CHRND: variants seen among roughly 807,000 people sequenced by gnomAD.
The protein encoded by CHRND is cholinergic receptor nicotinic delta subunit.
Under a neutral mutation model 57.8 loss-of-function variants are expected in CHRND, and 40 were observed. The observed-to-expected ratio is 0.69, with a 90% CI of 0.54 to 0.90. The LOEUF (loss-of-function observed/expected upper bound fraction) is 0.90. Among genes scored for constraint, CHRND ranks in the 40% least tolerant of loss-of-function variants. CHRND has a pLI of 0.00. For synonymous variants in CHRND, 237 were observed against 270.6 expected (o/e 0.88, Z 1.22); for missense variants, 634 against 673.9 (o/e 0.94, Z 0.66).
At position 232,529,088 on chromosome 2, in the gene CHRND, C is replaced by T. The variant is rs138432684; in HGVS notation, c.619+117C>T. 18,334 of 732,678 alleles carry T rather than the reference C, an allele frequency of 0.025. 330 individuals carry two copies. The highest frequency in any genetic ancestry group is 0.032 in the Non-Finnish European group (12,979 of 409,050). 45.4% of individuals were successfully genotyped at this position (732,678 alleles called of 1,614,324 possible). A position where few individuals can be genotyped will look rare whatever the true frequency, so the allele number is the denominator to read the frequency against. On this transcript the variant is annotated intron_variant, in intron 6 of 11. Coordinates refer to ENST00000258385, the MANE Select transcript of CHRND (RefSeq NM_000751.3). ...CACACACACACTTAGGACACCAATA[C>T]ACAGCTCCTCACACACGCAGCTAGA...
chr2:232,533,435 C>G (rs1173062244), intron 9 of CHRND, among the ~76,000 whole-genome samples: 1 of 152,180 alleles, frequency 6.6e-6, no homozygotes, highest in Non-Finnish European at 1.5e-5. Context: ...CTGCTCCGCA[C>G]CATGGGTGAT....
chr2:232,527,252 G>A (rs1294218981), intron 2 of CHRND, 149 bp from the exon 3 acceptor site: 17 of 794,688 alleles, frequency 2.1e-5, no homozygotes, highest in South Asian at 2.1e-4. Context: ...GTTGCAGTGA[G>A]CCAAGCTCGT....
Position 232,527,430 on chromosome 2 carries a change from T to C in CHRND, c.228T>C (p.Asn76=), listed in dbSNP as rs776622065. The change falls in exon 3 of 12, where the codon AAT becomes AAC. Residue 76 remains asparagine (N), a synonymous_variant. Transcript: ENST00000258385. ...AAGTTGAGGAGACCCTCACTACCAA[T>C]GTGTGGATAGAGCACGTAAGAATGC... is the stretch of plus-strand genomic sequence containing the variant. ...LKEVEETLTT[N]VWIEHGWTDN... is the part of the protein sequence containing the mutation. 5 of 1,613,378 alleles carry C rather than the reference T, an allele frequency of 3.1e-6. No homozygotes were observed. The African/African-American group carries it at 4.0e-5, about 13-fold the overall frequency.
rs530039427 is a variant in CHRND, at chr2:232,535,457, C to G, written c.*145C>G. The G allele has an allele frequency of 1.8e-3, 1,720 of 974,020 alleles. 10 individuals are homozygous for G. Among genetic ancestry groups the G allele is most frequent in the Non-Finnish European group, 2.0e-3 (1,274 of 633,592 alleles). The allele number at this position is 974,020 out of a possible 1,614,324, so 60.3% of individuals were successfully genotyped here. A position where few individuals can be genotyped will look rare whatever the true frequency, so the allele number is the denominator to read the frequency against. On this transcript the variant is annotated 3_prime_UTR_variant, in exon 12 of 12. Coordinates refer to ENST00000258385, the MANE Select transcript of CHRND (RefSeq NM_000751.3). The stretch of plus-strand genomic sequence containing the variant: ...GGGAGGGAGCAGCCACTCCTCAATG[C>G]TCAATGGCTCCCCTGAAATCAAGAC...
rs997482710 is a variant in CHRND at position 232,531,673 on chromosome 2, G to A, written c.1047+17G>A. 1 of 1,596,482 alleles carries A rather than the reference G, an allele frequency of 6.3e-7. No homozygotes were observed. The highest frequency in any genetic ancestry group is 1.3e-5 in the African/African-American group (1 of 74,716). ...GTCAAGAAGGTGAGTACTTGGCCCG[G>A]CGCAAAAGCTCACCACTGTAATCCT... is the stretch of plus-strand genomic sequence containing the variant. On this transcript the variant is annotated intron_variant, in intron 9 of 11. Transcript: ENST00000258385.
intron 7 of CHRND, among the ~76,000 whole-genome samples, chr2:232,530,608 T>C (rs540448914): frequency 6.6e-6 from 1 of 152,096 alleles, no homozygotes; most frequent in South Asian, 2.1e-4. Context: ...GAGCAGGGCA[T>C]AGTGAGTCCC....
In CHRND at chr2:232,528,323, G is replaced by C; in HGVS notation, c.305G>C (p.Arg102Pro). ...AEEFGNISVL[R>P]LPPDMVWLPE... ...GAATTTGGAAACATCAGTGTCCTGC[G>C]CCTCCCCCCGGACATGGTGTGGCTC... The change falls in exon 4 of 12, where the codon CGC becomes CCC. Residue 102 changes from arginine to proline, a missense_variant. Physicochemically the swap from Arg to Pro is moderately radical, Grantham distance 103. Transcript: ENST00000258385. 1.2e-6 allele frequency: 2 copies of C among 1,614,078 alleles called. No homozygotes were observed. Among genetic ancestry groups the C allele is most frequent in the African/African-American group, 1.3e-5 (1 of 74,996 alleles).
At chr2:232,533,431 C>T (rs180740386) in intron 9 of CHRND, among the ~76,000 whole-genome samples, 73 of 152,260 alleles carry the variant, frequency 4.8e-4, no homozygotes, top group African/African-American at 1.6e-3. Context: ...GGTTCTGCTC[C>T]GCACCATGGG....
Position 232,536,281 on chromosome 2 carries a change from G to A in CHRND, c.*969G>A, listed in dbSNP as rs1479082913. 6 of 454,104 alleles carry A rather than the reference G, an allele frequency of 1.3e-5. No individual in the cohort carries two copies. Among genetic ancestry groups the A allele is most frequent in the Admixed American group, 4.7e-5 (2 of 42,572 alleles). 28.1% of individuals were successfully genotyped at this position (454,104 alleles called of 1,614,324 possible). On this transcript the variant is annotated 3_prime_UTR_variant, in exon 12 of 12. Transcript: ENST00000258385. ...TCACTCTGTACCAGGGTGGGTCTGG[G>A]TAACCAATAGAATGAGGCAGAAGTG...
rs989473079 is a variant in CHRND, at chr2:232,535,901, CAA to C, written c.*591_*592del. 2.2e-6 allele frequency: 1 copy of C among 454,122 alleles called. No individual in the cohort carries two copies. The highest frequency in any genetic ancestry group is 4.4e-6 in the Non-Finnish European group (1 of 226,786). 28.1% of individuals were successfully genotyped at this position (454,122 alleles called of 1,614,324 possible). On this transcript the variant is annotated 3_prime_UTR_variant, in exon 12 of 12. Coordinates refer to ENST00000258385, the MANE Select transcript of CHRND (RefSeq NM_000751.3). ...GTGGAAAGGTCAGGATCGACATCCA[CAA>C]AGACTTGGGGTCAGCCTGAGGTTGC...
At chr2:232,528,122 T>C in intron 3 of CHRND, 140 bp from the exon 4 acceptor site, 1 of 755,864 alleles carries the variant, frequency 1.3e-6, no homozygotes, top group Non-Finnish European at 2.3e-6. Context: ...CAGACCTGAA[T>C]CCGCACTCTG....
chr2:232,530,982 C>T (rs561877181), intron 7 of CHRND, among the ~76,000 whole-genome samples: 3 of 152,240 alleles, frequency 2.0e-5, no homozygotes, highest in South Asian at 2.1e-4. Context: ...GAGTAACGCA[C>T]GCAGGTCTGT....
chr2:232,531,582 G>A lies in CHRND; in HGVS notation c.973G>A (p.Val325Met). ...CATGGTGCTGGTCACCATGGTTGTG[G>A]TGATCTGTGTCATCGTGCTCAACAT... is the stretch of plus-strand genomic sequence containing the variant. ...FGMVLVTMVV[V>M]ICVIVLNIHF... is the part of the protein sequence containing the mutation. Residue 325 changes from valine to methionine, a missense_variant, in exon 9 of 12, where the codon GTG becomes ATG. Transcript: ENST00000258385. 1 of 1,614,060 alleles carries A rather than the reference G, an allele frequency of 6.2e-7. No homozygotes were observed. Among genetic ancestry groups the A allele is most frequent in the Non-Finnish European group, 8.5e-7 (1 of 1,180,038 alleles).
intron 6 of CHRND, among the ~76,000 whole-genome samples, chr2:232,529,418 G>A (rs569672088): frequency 6.6e-6 from 1 of 151,984 alleles, no homozygotes; most frequent in African/African-American, 2.4e-5. Context: ...TCCTCCATGG[G>A]GCCTACCACT....
chr2:232,528,003 C>A (rs528913653), intron 3 of CHRND, among the ~76,000 whole-genome samples: 1 of 152,318 alleles, frequency 6.6e-6, no homozygotes, highest in African/African-American at 2.4e-5. Flanking sequence ...AGAAAACATT[C>A]TCTTCCTGCC....
chr2:232,535,093 G>A (rs781751460), intron 11 of CHRND, 37 bp from the exon 12 acceptor site: 2 of 1,611,462 alleles, frequency 1.2e-6, no homozygotes, highest in South Asian at 2.2e-5. Flanking sequence ...GTGGCCTGAG[G>A]CCCTTCTCAC....
At position 232,531,388 on chromosome 2, in the gene CHRND, T is replaced by C. The variant is rs774802325; in HGVS notation, c.857T>C (p.Leu286Pro). The part of the protein sequence containing the change: ...EKTSVAISVL[L>P]AQSVFLLLIS... ...ACATCAGTGGCCATCTCGGTGCTCC[T>C]GGCTCAGTCTGTCTTCCTGCTGCTC... Residue 286 changes from leucine (L) to proline (P), a missense_variant, in exon 8 of 12, where the codon CTG becomes CCG. Physicochemically the swap from Leu to Pro is moderately conservative, Grantham distance 98. Transcript: ENST00000258385. 6.2e-7 allele frequency: 1 copy of C among 1,613,886 alleles called. No individual in the cohort carries two copies. Among genetic ancestry groups the C allele is most frequent in the Non-Finnish European group, 8.5e-7 (1 of 1,179,994 alleles).
rs1263024357 is a variant in CHRND, at chr2:232,526,586, G to A, written c.110G>A (p.Gly37Asp). 1.9e-6 allele frequency: 3 copies of A among 1,613,838 alleles called. No individual in the cohort carries two copies. The highest frequency in any genetic ancestry group is 1.1e-5 in the South Asian group (1 of 91,088). ...RLIRHLFQEK[G>D]YNKELRPVAH... ...ATCCGGCACCTGTTTCAAGAGAAGG[G>A]CTACAACAAGGAGCTCCGGCCCGTG... Residue 37 changes from glycine (G) to aspartate (D), a missense_variant, in exon 2 of 12, where the codon GGC becomes GAC. Gly to Asp is a moderately conservative substitution (Grantham distance 94). Transcript: ENST00000258385.
chr2:232,530,849 A>G (rs1691663015), intron 7 of CHRND, among the ~76,000 whole-genome samples: 1 of 152,188 alleles, frequency 6.6e-6, no homozygotes, highest in Non-Finnish European at 1.5e-5. Context: ...CGCCCTTGCC[A>G]TCACGTGCAG....
Sources: gnomAD v4.1 joint callset for allele counts (sites outside exome capture counted in the v4.1 genomes callset) on GRCh38, gnomAD v4.1.1 for gene constraint, MANE v1.5 for transcripts, NCBI Gene and HGNC (gene_info 2026-07-23, HGNC 2026-07-21) for gene names.